Variants in CCDC85A observed in about 807,000 individuals in gnomAD.
The protein encoded by CCDC85A is coiled-coil domain-containing protein 85A.
A neutral mutation model predicts 50.2 loss-of-function variants in CCDC85A; 38 were observed. The ratio of observed to expected loss-of-function variants is 0.76; its 90% CI spans 0.58 to 0.99. The LOEUF (loss-of-function observed/expected upper bound fraction) is 0.99. Among genes scored for constraint, CCDC85A ranks in the 50% least tolerant of loss-of-function variants. CCDC85A has a pLI of 0.00. For missense variants in CCDC85A, 820 were observed against 742.0 expected (o/e 1.11, Z -1.22); for synonymous variants, 366 against 301.4 (o/e 1.21, Z -2.22).
chr2:56,278,251 T>C (rs1420602716), intron 2 of CCDC85A, among the ~76,000 whole-genome samples: 1 of 152,186 alleles, frequency 6.6e-6, no homozygotes, highest in African/African-American at 2.4e-5. Flanking sequence ...AAGAAAATGA[T>C]TTCCTCATAA....
intron 2 of CCDC85A, among the ~76,000 whole-genome samples, chr2:56,286,604 T>C (rs143187844): frequency 1.3e-4 from 20 of 152,304 alleles, no homozygotes; most frequent in African/African-American, 4.8e-4. Context: ...CTCCATATGT[T>C]CATTTATATG....
intron 3 of CCDC85A, among the ~76,000 whole-genome samples, chr2:56,358,342 A>G (rs1675340155): frequency 6.6e-6 from 1 of 152,206 alleles, no homozygotes. Context: ...AGAAATTTCA[A>G]GCCTCCAATA....
intron 2 of CCDC85A, among the ~76,000 whole-genome samples, chr2:56,194,097 C>T (rs1676433772): frequency 6.6e-6 from 1 of 152,190 alleles, no homozygotes; most frequent in Admixed American, 6.5e-5. Context: ...TCCACCAACA[C>T]TGTCATCAAA....
At chr2:56,221,780 A>T (rs1408419709) in intron 2 of CCDC85A, among the ~76,000 whole-genome samples, 1 of 152,068 alleles carries the variant, frequency 6.6e-6, no homozygotes, top group Non-Finnish European at 1.5e-5. Context: ...CCACATTTAA[A>T]TTTTTAAGTG....
At chr2:56,210,863 A>C (rs1338890374) in intron 2 of CCDC85A, among the ~76,000 whole-genome samples, 1 of 151,952 alleles carries the variant, frequency 6.6e-6, no homozygotes, top group African/African-American at 2.4e-5. Flanking sequence ...CTTGTACTGT[A>C]TTGGTTGAAG....
intron 3 of CCDC85A, among the ~76,000 whole-genome samples, chr2:56,353,446 T>A (rs1247361086): frequency 2.0e-5 from 3 of 152,252 alleles, no homozygotes; most frequent in African/African-American, 7.2e-5. Context: ...GCTAACTCCT[T>A]CATTTCTAAG....
intron 2 of CCDC85A, among the ~76,000 whole-genome samples, chr2:56,292,982 G>A (rs1408149629): frequency 1.3e-5 from 2 of 152,162 alleles, no homozygotes; most frequent in Non-Finnish European, 2.9e-5. Context: ...CACCATTCCA[G>A]CTTTTCCATG....
intron 2 of CCDC85A, among the ~76,000 whole-genome samples, chr2:56,273,544 T>A (rs1195363194): frequency 6.6e-6 from 1 of 152,060 alleles, no homozygotes; most frequent in East Asian, 1.9e-4. Context: ...AAATGATCAA[T>A]CAAGTATGAG....
At chr2:56,295,982 T>C (rs943576706) in intron 2 of CCDC85A, among the ~76,000 whole-genome samples, 6 of 152,190 alleles carry the variant, frequency 3.9e-5, no homozygotes, top group Non-Finnish European at 7.3e-5. Context: ...TTGACATCTT[T>C]CTTACATATG....
At chr2:56,320,891 A>G (rs868374767) in intron 2 of CCDC85A, among the ~76,000 whole-genome samples, 63 of 152,310 alleles carry the variant, frequency 4.1e-4, no homozygotes, top group African/African-American at 1.5e-3. Flanking sequence ...AAAATCCTCA[A>G]TAAAATACTG....
chr2:56,197,082 A>C (rs1676556130), intron 2 of CCDC85A, among the ~76,000 whole-genome samples: 1 of 152,112 alleles, frequency 6.6e-6, no homozygotes, highest in African/African-American at 2.4e-5. Flanking sequence ...TGCTGAATGG[A>C]GTGTCAGGGT....
chr2:56,253,997 C>T (rs1669876812), intron 2 of CCDC85A, among the ~76,000 whole-genome samples: 1 of 152,134 alleles, frequency 6.6e-6, no homozygotes, highest in East Asian at 1.9e-4. Context: ...GCCATATTTA[C>T]TTGTGTATCT....
At position 56,184,730 on chromosome 2, in the gene CCDC85A, C is replaced by T. The variant is rs994138638; in HGVS notation, c.106C>T (p.Leu36=). 1 of 1,540,002 alleles carries T rather than the reference C, an allele frequency of 6.5e-7. No homozygotes were observed. Among genetic ancestry groups the T allele is most frequent in the Non-Finnish European group, 8.7e-7 (1 of 1,144,524 alleles). Reference sequence around the variant, plus strand: ...GGCCCCGCCCGCGCCGGTGGAGGACCTGTCCAAAGTGTCGGACGAGGAGCT... The same window carrying T: ...GGCCCCGCCCGCGCCGGTGGAGGACTTGTCCAAAGTGTCGGACGAGGAGCT... ...SAAPPAPVED[L]SKVSDEELLQ... The change falls in exon 1 of 6, where the codon CTG becomes TTG. Residue 36 remains leucine (L), a synonymous_variant. Coordinates refer to ENST00000407595, the MANE Select transcript of CCDC85A (RefSeq NM_001080433.2).
intron 1 of CCDC85A, among the ~76,000 whole-genome samples, chr2:56,188,226 G>T (rs1018833879): frequency 1.3e-5 from 2 of 152,216 alleles, no homozygotes; most frequent in African/African-American, 2.4e-5. Context: ...GGATCACAAG[G>T]TTATTATCAA....
chr2:56,253,714 G>A (rs1669866799), intron 2 of CCDC85A, among the ~76,000 whole-genome samples: 1 of 152,188 alleles, frequency 6.6e-6, no homozygotes, highest in Admixed American at 6.5e-5. Flanking sequence ...TTCAAGAGAT[G>A]TTTCGGAGCA....
intron 2 of CCDC85A, among the ~76,000 whole-genome samples, chr2:56,210,139 G>C (rs375100140): frequency 6.6e-6 from 1 of 152,068 alleles, no homozygotes; most frequent in Admixed American, 6.6e-5. Flanking sequence ...CTGTATGCTC[G>C]TTGGAAGTAG....
chr2:56,335,224 G>A (rs574575500), intron 2 of CCDC85A, among the ~76,000 whole-genome samples: 7 of 152,094 alleles, frequency 4.6e-5, no homozygotes, highest in African/African-American at 1.7e-4. Flanking sequence ...AAAACACTTT[G>A]TTCAGAACAG....
At chr2:56,299,364 C>T (rs1226715986) in intron 2 of CCDC85A, among the ~76,000 whole-genome samples, 1 of 152,130 alleles carries the variant, frequency 6.6e-6, no homozygotes, top group Non-Finnish European at 1.5e-5. Context: ...TGCATGGATG[C>T]CCCCTGCTGA....
chr2:56,188,634 T>C (rs1397864847), intron 1 of CCDC85A, among the ~76,000 whole-genome samples: 1 of 152,278 alleles, frequency 6.6e-6, no homozygotes, highest in Non-Finnish European at 1.5e-5. Context: ...TTAATTTTCT[T>C]TGTTATTGTT....
Sources: gnomAD v4.1 joint callset for allele counts (sites outside exome capture counted in the v4.1 genomes callset) on GRCh38, gnomAD v4.1.1 for gene constraint, MANE v1.5 for transcripts, NCBI Gene and HGNC (gene_info 2026-07-23, HGNC 2026-07-21) for gene names.